The following AADACL2 variants were observed in gnomAD, a reference collection of about 807,000 sequenced individuals.
AADACL2 encodes arylacetamide deacetylase-like 2.
Under a neutral mutation model 22.3 loss-of-function variants are expected in AADACL2, and 23 were observed. That is an observed-to-expected ratio of 1.03 (90% CI 0.74 to 1.46). AADACL2 has a LOEUF of 1.46. AADACL2 is among the 40% of genes most tolerant of loss of function. The probability of loss-of-function intolerance (pLI) is 0.00; values close to 1 mark genes in which losing one functional copy is unlikely to be tolerated. For missense variants in AADACL2, 472 were observed against 482.9 expected, an observed-to-expected ratio of 0.98 and a Z score of 0.21; for synonymous variants, 177 against 166.2, an observed-to-expected ratio of 1.07 and a Z score of -0.50.
At chr3:151,742,741 C>T (rs1447421156) in intron 2 of AADACL2, among the ~76,000 whole-genome samples, 1 of 152,094 alleles carries the variant, frequency 6.6e-6, no homozygotes, top group Non-Finnish European at 1.5e-5. Context: ...GCTGAAACAC[C>T]CTGATTAGAA....
chr3:151,757,609 T>C lies in AADACL2; in HGVS notation c.*15T>C. On this transcript the variant is annotated 3_prime_UTR_variant, in exon 5 of 5. Transcript: ENST00000356517. ...AGAATTTATAAATATGTGATGTGTA[T>C]GTATAGCCCTTACATAGTGGATTGT... 6.3e-7 allele frequency: 1 copy of C among 1,580,294 alleles called. No individual in the cohort carries two copies. The highest frequency in any genetic ancestry group is 8.6e-7 in the Non-Finnish European group (1 of 1,162,370).
chr3:151,739,004 G>A (rs1017451355), intron 1 of AADACL2, among the ~76,000 whole-genome samples: 17 of 152,126 alleles, frequency 1.1e-4, no homozygotes, highest in African/African-American at 1.9e-4. Context: ...CTGTCAATTC[G>A]TCAATCTCAT....
chr3:151,746,342 C>G (rs977048223), intron 4 of AADACL2, among the ~76,000 whole-genome samples: 3 of 148,124 alleles, frequency 2.0e-5, no homozygotes, highest in African/African-American at 7.4e-5. Context: ...TCACTTATAA[C>G]GCTAGTGTTC....
intron 3 of AADACL2, among the ~76,000 whole-genome samples, chr3:151,744,699 C>T (rs1441917530): frequency 6.6e-6 from 1 of 152,116 alleles, no homozygotes; most frequent in African/African-American, 2.4e-5. Flanking sequence ...TTTTGGTACA[C>T]ATCTATGTCT....
At chr3:151,740,592 T>C (rs1713245822) in intron 1 of AADACL2, 54 bp from the exon 2 acceptor site, 2 of 1,153,490 alleles carry the variant, frequency 1.7e-6, no homozygotes, top group Admixed American at 5.2e-5. Context: ...TTTAAATATA[T>C]TTGGTGTTAT....
At chr3:151,750,196 T>C (rs532098114) in intron 4 of AADACL2, among the ~76,000 whole-genome samples, 1 of 152,356 alleles carries the variant, frequency 6.6e-6, no homozygotes, top group Admixed American at 6.5e-5. Context: ...ACATGGTGTA[T>C]GATCCTTTTA....
intron 4 of AADACL2, among the ~76,000 whole-genome samples, chr3:151,756,589 G>C (rs1017475157): frequency 1.3e-5 from 2 of 151,540 alleles, no homozygotes; most frequent in African/African-American, 4.8e-5. Context: ...CACTCACTCT[G>C]GTTACTTTAT....
rs568082721 is a variant in AADACL2, at chr3:151,758,988, G to A, written c.*1394G>A. ...ACAAACAAAATAAGATTTTTTTAAT[G>A]TAGAGAGAAATTAATTATGTTCAAA... On this transcript the variant is annotated 3_prime_UTR_variant, in exon 5 of 5. Transcript: ENST00000356517. 1 of 152,110 alleles carries A rather than the reference G, an allele frequency of 6.6e-6. No individual in the cohort carries two copies. The highest frequency in any genetic ancestry group is 2.1e-4 in the South Asian group (1 of 4,822). The allele number at this position is 152,110 out of a possible 1,614,324, so 9.4% of individuals were successfully genotyped here. A position where few individuals can be genotyped will look rare whatever the true frequency, so the allele number is the denominator to read the frequency against.
intron 1 of AADACL2, 57 bp from the exon 2 acceptor site, chr3:151,740,589 A>G (rs953799530): frequency 9.0e-7 from 1 of 1,114,848 alleles, no homozygotes; most frequent in African/African-American, 1.6e-5. Context: ...CTTTTTAAAT[A>G]TATTTGGTGT....
intron 4 of AADACL2, among the ~76,000 whole-genome samples, chr3:151,756,313 C>A (rs1713902411): frequency 6.6e-6 from 1 of 151,102 alleles, no homozygotes; most frequent in African/African-American, 2.4e-5. Context: ...CCTTGCATAT[C>A]AGACTTGTGC....
At chr3:151,740,473 A>G (rs1713242489) in intron 1 of AADACL2, among the ~76,000 whole-genome samples, 173 bp from the exon 2 acceptor site, 1 of 152,260 alleles carries the variant, frequency 6.6e-6, no homozygotes, top group African/African-American at 2.4e-5. Context: ...TTCAAGGGCA[A>G]GAAGGTTATG....
At chr3:151,750,551 TA>T (rs1448168492) in intron 4 of AADACL2, among the ~76,000 whole-genome samples, 1 of 151,988 alleles carries the variant, frequency 6.6e-6, no homozygotes, top group African/African-American at 2.4e-5. Flanking sequence ...TCTACCTTTC[TA>T]TTTAAAAAAA....
intron 4 of AADACL2, among the ~76,000 whole-genome samples, chr3:151,755,916 G>A (rs1713882805): frequency 6.6e-6 from 1 of 152,106 alleles, no homozygotes; most frequent in Non-Finnish European, 1.5e-5. Context: ...ATCTAGGAAA[G>A]TTTCTGTAAG....
chr3:151,756,850 TATAA>T (rs1713929516), intron 4 of AADACL2, 138 bp from the exon 5 acceptor site: 1 of 573,820 alleles, frequency 1.7e-6, no homozygotes, highest in Non-Finnish European at 2.5e-6. Flanking sequence ...GGTAATATAT[TATAA>T]ATATTATAAA....
chr3:151,738,812 A>G (rs2084429), intron 1 of AADACL2, among the ~76,000 whole-genome samples: 117 of 152,308 alleles, frequency 7.7e-4, no homozygotes, highest in African/African-American at 2.6e-3. Context: ...TATATGCCTC[A>G]CGAAGTTCTT....
At chr3:151,755,053 C>CATTA (rs1713840976) in intron 4 of AADACL2, 1 of 152,196 alleles carries the variant, frequency 6.6e-6, no homozygotes, top group African/African-American at 2.4e-5. Context: ...AATAATTCAG[C>CATTA]ATTACTGTTG....
In AADACL2 at chr3:151,759,967, C is replaced by T. The variant is rs1302870607; in HGVS notation, c.*2373C>T. The T allele has an allele frequency of 6.6e-6, 1 of 152,118 alleles. No homozygotes were observed. The highest frequency in any genetic ancestry group is 2.4e-5 in the African/African-American group (1 of 41,420). 9.4% of individuals were successfully genotyped at this position (152,118 alleles called of 1,614,324 possible). Reference sequence around the variant, plus strand: ...TCATTTTAAATTGACAATAATTGTACATATTCATGGGATACATAGTGACGT... The same window carrying T: ...TCATTTTAAATTGACAATAATTGTATATATTCATGGGATACATAGTGACGT... On this transcript the variant is annotated 3_prime_UTR_variant, in exon 5 of 5. Transcript: ENST00000356517.
At chr3:151,753,585 T>C (rs534299167) in intron 4 of AADACL2, among the ~76,000 whole-genome samples, 1 of 152,224 alleles carries the variant, frequency 6.6e-6, no homozygotes, top group African/African-American at 2.4e-5. Context: ...GGGTAGTTCA[T>C]AGAAAGGAAA....
intron 4 of AADACL2, among the ~76,000 whole-genome samples, chr3:151,746,969 T>C (rs1028030904): frequency 1.1e-4 from 17 of 151,880 alleles, no homozygotes; most frequent in African/African-American, 3.9e-4. Flanking sequence ...AGTGGCGCGA[T>C]CTCAGCTCAC....
Sources: allele counts gnomAD v4.1 joint callset (sites outside exome capture counted in the v4.1 genomes callset), GRCh38; gene constraint gnomAD v4.1.1; transcripts MANE v1.5; gene names NCBI Gene and HGNC (gene_info 2026-07-23, HGNC 2026-07-21).